Variants in PDZD8 observed in about 807,000 individuals in gnomAD.
PDZD8 encodes PDZ domain-containing protein 8.
Under a neutral mutation model 85.8 loss-of-function variants are expected in PDZD8, and 14 were observed. That is an observed-to-expected ratio of 0.16 (90% confidence interval 0.11 to 0.26). The LOEUF is 0.26. Ranked by LOEUF, PDZD8 falls within the 10% of genes least tolerant of loss-of-function variation. The probability of loss-of-function intolerance (pLI) is 1.00; values close to 1 mark genes in which losing one functional copy is unlikely to be tolerated. For missense variants in PDZD8, 1,197 were observed against 1,424.3 expected (o/e 0.84, Z 2.57); for synonymous variants, 592 against 568.6 (o/e 1.04, Z -0.59).
chr10:117,355,340 G>A (rs1330190577), intron 1 of PDZD8, among the ~76,000 whole-genome samples: 1 of 152,020 alleles, frequency 6.6e-6, no homozygotes, highest in Non-Finnish European at 1.5e-5. Flanking sequence ...CCTCTCCTGT[G>A]TTCTAAAAAC....
rs1013733188 is a variant in PDZD8 at position 117,345,234 on chromosome 10, T to C, written c.873-4132A>G. 3.3e-5 allele frequency among the ~76,000 whole-genome samples: 5 copies of C among 152,022 alleles called. No individual in the cohort carries two copies. The South Asian group carries it at 6.2e-4, about 19-fold the overall frequency. On this transcript the variant is annotated intron_variant, in intron 1 of 4. Transcript: ENST00000334464. ...AAGGCACTACCAAGAACAATGGAGG[T>C]TGTGGTGAAAAGCACATGTCTTCCT...
intron 3 of PDZD8, among the ~76,000 whole-genome samples, chr10:117,314,753 C>T (rs914383297): frequency 1.3e-5 from 2 of 152,198 alleles, no homozygotes; most frequent in Non-Finnish European, 2.9e-5. Context: ...ATAATTTCCT[C>T]TCCATTTCAA....
intron 1 of PDZD8, among the ~76,000 whole-genome samples, chr10:117,350,713 C>T (rs1844791277): frequency 6.6e-6 from 1 of 151,348 alleles, no homozygotes; most frequent in African/African-American, 2.4e-5. Context: ...ACCATCCTGG[C>T]TAACATGGTG....
intron 3 of PDZD8, among the ~76,000 whole-genome samples, chr10:117,303,115 A>G (rs1435338255): frequency 6.6e-6 from 1 of 152,214 alleles, no homozygotes; most frequent in African/African-American, 2.4e-5. Context: ...GGCTCAGAAG[A>G]AAAGAAAATG....
In PDZD8 at chr10:117,279,519, A is replaced by C. The variant is rs1398565681; in HGVS notation, c.*3749T>G. ...ATTTTGACTGTGGATATTTAATTAA[A>C]AACTATTTTTCTGTGCTTGTAGGCA... On this transcript the variant is annotated 3_prime_UTR_variant, in exon 5 of 5. Transcript: ENST00000334464. 6.6e-6 allele frequency: 1 copy of C among 152,232 alleles called. No individual in the cohort carries two copies. Among genetic ancestry groups the C allele is most frequent in the Non-Finnish European group, 1.5e-5 (1 of 68,038 alleles). The allele number at this position is 152,232 out of a possible 1,614,324, so 9.4% of individuals were successfully genotyped here. A position where few individuals can be genotyped will look rare whatever the true frequency, so the allele number is the denominator to read the frequency against.
At chr10:117,303,994 G>A (rs1484619387) in intron 3 of PDZD8, among the ~76,000 whole-genome samples, 1 of 152,204 alleles carries the variant, frequency 6.6e-6, no homozygotes, top group East Asian at 1.9e-4. Context: ...CTCTACCAGG[G>A]CACTGCCTAG....
In PDZD8 at chr10:117,282,183, T is replaced by C. The variant is rs1349695357; in HGVS notation, c.*1085A>G. The C allele has an allele frequency of 3.3e-5, 5 of 152,230 alleles. No individual in the cohort carries two copies. Among genetic ancestry groups the C allele is most frequent in the Admixed American group, 6.5e-5 (1 of 15,278 alleles). The allele number at this position is 152,230 out of a possible 1,614,324, so 9.4% of individuals were successfully genotyped here. ...CTGTAAGACGCCAAAGCAAAAAGTATATTTTGCATGATTCCTTTCCTTCAC... is the reference window on the plus strand; with the variant it reads ...CTGTAAGACGCCAAAGCAAAAAGTACATTTTGCATGATTCCTTTCCTTCAC... On this transcript the variant is annotated 3_prime_UTR_variant, in exon 5 of 5. Coordinates refer to ENST00000334464, the MANE Select transcript of PDZD8 (RefSeq NM_173791.5).
intron 3 of PDZD8, among the ~76,000 whole-genome samples, chr10:117,301,256 T>G (rs1843842107): frequency 6.6e-6 from 1 of 152,146 alleles, no homozygotes; most frequent in South Asian, 2.1e-4. Flanking sequence ...AGTGCTGGGA[T>G]TACAGGTATG....
At position 117,284,377 on chromosome 10, in the gene PDZD8, A is replaced by T. The variant is rs1248737235; in HGVS notation, c.2356T>A (p.Tyr786Asn). The stretch of plus-strand genomic sequence containing the variant: ...TTGAAGTGAATAGTAATGTCACCAT[A>T]GCAAAATTTGTCATTGAATCCCTTT... Reference protein sequence around the residue: ...MQKGFNDKFCYGDITIHFKYL... With the variant: ...MQKGFNDKFCNGDITIHFKYL... The change falls in exon 5 of 5, where the codon TAT (tyrosine) becomes AAT (asparagine). Residue 786 changes from tyrosine to asparagine, a missense_variant. Transcript: ENST00000334464. The T allele has an allele frequency of 6.2e-7, 1 of 1,614,196 alleles. No homozygotes were observed. Among genetic ancestry groups the T allele is most frequent in the Non-Finnish European group, 8.5e-7 (1 of 1,180,032 alleles).
At chr10:117,318,460 C>T (rs778309634) in intron 3 of PDZD8, among the ~76,000 whole-genome samples, 5 of 152,124 alleles carry the variant, frequency 3.3e-5, no homozygotes, top group Non-Finnish European at 5.9e-5. Flanking sequence ...AGAATAGGGG[C>T]CTTTTTTGTC....
chr10:117,341,246 C>G (rs1251601922), intron 1 of PDZD8, 144 bp from the exon 2 acceptor site: 1 of 838,614 alleles, frequency 1.2e-6, no homozygotes. Flanking sequence ...TTACCACACT[C>G]CCCCATAACT....
intron 1 of PDZD8, among the ~76,000 whole-genome samples, chr10:117,364,619 C>T (rs1229988528): frequency 6.6e-6 from 1 of 151,952 alleles, no homozygotes; most frequent in Non-Finnish European, 1.5e-5. Context: ...TTGGAGTGAG[C>T]TCTTTGGCTA....
At chr10:117,351,509 A>C (rs1844805076) in intron 1 of PDZD8, among the ~76,000 whole-genome samples, 1 of 152,158 alleles carries the variant, frequency 6.6e-6, no homozygotes, top group Admixed American at 6.5e-5. Flanking sequence ...GAGGAGAGGA[A>C]GGTAGTGACT....
At position 117,285,281 on chromosome 10, in the gene PDZD8, C is replaced by T. The variant is rs1565016494; in HGVS notation, c.1452G>A (p.Gly484=). 1.9e-6 allele frequency: 3 copies of T among 1,614,014 alleles called. No individual in the cohort carries two copies. The highest frequency in any genetic ancestry group is 1.3e-5 in the African/African-American group (1 of 74,900). The change falls in exon 5 of 5, where the codon GGG becomes GGA. Residue 484 remains glycine, a synonymous_variant. Transcript: ENST00000334464. The stretch of plus-strand genomic sequence containing the variant: ...CTCTACTTTCAGTATCTACTGTCAA[C>T]CCGGCAGCTTCCTCTTCATAACCCG... The part of the protein sequence containing the change: ...CQSGYEEEAA[G]LTVDTESREL...
At chr10:117,337,699 CT>C (rs2133841089) in intron 2 of PDZD8, among the ~76,000 whole-genome samples, 1 of 152,236 alleles carries the variant, frequency 6.6e-6, no homozygotes, top group African/African-American at 2.4e-5. Context: ...ATAATAGAAG[CT>C]ACATCTACTG....
At chr10:117,316,086 T>G (rs1844124257) in intron 3 of PDZD8, among the ~76,000 whole-genome samples, 1 of 152,206 alleles carries the variant, frequency 6.6e-6, no homozygotes, top group African/African-American at 2.4e-5. Flanking sequence ...AATTTTTGTT[T>G]AAGCCTAATA....
At chr10:117,318,362 T>C (rs1844166520) in intron 3 of PDZD8, among the ~76,000 whole-genome samples, 1 of 152,210 alleles carries the variant, frequency 6.6e-6, no homozygotes, top group Non-Finnish European at 1.5e-5. Context: ...CATTTATTAC[T>C]GTGTTCTATC....
chr10:117,360,845 T>C (rs964440066), intron 1 of PDZD8, among the ~76,000 whole-genome samples: 11 of 151,996 alleles, frequency 7.2e-5, no homozygotes, highest in African/African-American at 2.7e-4. Context: ...TAAAAATAAA[T>C]AAACTTCAGG....
At chr10:117,354,658 C>G (rs1453658084) in intron 1 of PDZD8, among the ~76,000 whole-genome samples, 1 of 152,180 alleles carries the variant, frequency 6.6e-6, no homozygotes, top group Non-Finnish European at 1.5e-5. Context: ...ACACACAACA[C>G]TATATCCTTT....
Sources: gnomAD v4.1 joint callset for allele counts (sites outside exome capture counted in the v4.1 genomes callset) on GRCh38, gnomAD v4.1.1 for gene constraint, MANE v1.5 for transcripts, NCBI Gene and HGNC (gene_info 2026-07-23, HGNC 2026-07-21) for gene names.